Variants in DNMT1 observed in about 807,000 individuals in gnomAD.
DNMT1 encodes DNA methyltransferase 1, also known as DNA (cytosine-5)-methyltransferase 1.
In DNMT1, 24 loss-of-function variants were observed where a neutral mutation model predicts 205.3. The ratio of observed to expected loss-of-function variants is 0.12; its 90% CI spans 0.08 to 0.16. The LOEUF is 0.16. Among genes scored for constraint, DNMT1 ranks in the 10% least tolerant of loss-of-function variants. The pLI is 1.00. For missense variants in DNMT1, 1,293 were observed against 2,177.7 expected, an observed-to-expected ratio of 0.59 and a Z score of 8.09; for synonymous variants, 817 against 839.8, an observed-to-expected ratio of 0.97 and a Z score of 0.47.
chr19:10,190,547 G>C (rs961208678), intron 1 of DNMT1, among the ~76,000 whole-genome samples: 7 of 152,016 alleles, frequency 4.6e-5, no homozygotes, highest in African/African-American at 1.7e-4. Flanking sequence ...CGAATCACTT[G>C]AGTCCAGGAG....
rs1162498895 is a variant in DNMT1, at chr19:10,156,057, AGTC to A, written c.1400-115_1400-113del. 10 of 1,100,716 alleles carry A rather than the reference AGTC, an allele frequency of 9.1e-6. No individual in the cohort carries two copies. Among genetic ancestry groups the A allele is most frequent in the Non-Finnish European group, 1.2e-5 (9 of 746,754 alleles). 68.2% of individuals were successfully genotyped at this position (1,100,716 alleles called of 1,614,324 possible). ...CCATCAGCCAGGTCGGGTGCTCCTC[AGTC>A]ATCACAATGACTTGGCCTACAGCTG... On this transcript the variant is annotated intron_variant, in intron 18 of 40. Coordinates refer to ENST00000359526, the MANE Select transcript of DNMT1 (RefSeq NM_001130823.3). The surrounding 1 kb of genome is among the most constrained non-coding windows in gnomAD (Gnocchi z 4.2).
chr19:10,179,717 C>T (rs533934654), intron 5 of DNMT1, among the ~76,000 whole-genome samples: 7 of 152,066 alleles, frequency 4.6e-5, no homozygotes, highest in East Asian at 1.9e-4. Flanking sequence ...GGGCCGGGCA[C>T]GGTGGCTCAC....
chr19:10,150,524 G>A (rs1435663552), intron 24 of DNMT1, among the ~76,000 whole-genome samples: 3 of 152,238 alleles, frequency 2.0e-5, no homozygotes, highest in Non-Finnish European at 4.4e-5. Context: ...CTCATGCCAT[G>A]CAGCAGTACC....
chr19:10,163,702 C>G (rs1400635642), intron 11 of DNMT1, among the ~76,000 whole-genome samples: 1 of 152,156 alleles, frequency 6.6e-6, no homozygotes, highest in Non-Finnish European at 1.5e-5. Flanking sequence ...CACAAAAGCA[C>G]CCACAGGCAA....
At chr19:10,178,198 G>A (rs2038972178) in intron 5 of DNMT1, among the ~76,000 whole-genome samples, 1 of 151,466 alleles carries the variant, frequency 6.6e-6, no homozygotes, top group Non-Finnish European at 1.5e-5. Flanking sequence ...TGGAGGTTGT[G>A]GTGAGCCGAG....
At chr19:10,167,021 G>A (rs960402587) in intron 10 of DNMT1, among the ~76,000 whole-genome samples, 4 of 152,160 alleles carry the variant, frequency 2.6e-5, no homozygotes, top group African/African-American at 9.7e-5. Flanking sequence ...TGAGAGCTGG[G>A]CTGATGTGCG....
At position 10,151,675 on chromosome 19, in the gene DNMT1, A is replaced by G. The variant is rs2145299472; in HGVS notation, c.2117+75T>C. Reference sequence around the variant, plus strand: ...AATCCTGGTGCTGTCCCACACATGCAGGCCCTTCTCCACAGTGCATCTGCC... The same window carrying G: ...AATCCTGGTGCTGTCCCACACATGCGGGCCCTTCTCCACAGTGCATCTGCC... On this transcript the variant is annotated intron_variant, in intron 23 of 40. Coordinates refer to ENST00000359526, the MANE Select transcript of DNMT1 (RefSeq NM_001130823.3). This position sits in a 1 kb window ranked among gnomAD's most constrained non-coding sequence, Gnocchi z 5.0. 2.5e-6 allele frequency: 4 copies of G among 1,607,178 alleles called. No individual in the cohort carries two copies. The highest frequency in any genetic ancestry group is 3.4e-6 in the Non-Finnish European group (4 of 1,174,428).
At chr19:10,176,855 CAA>C (rs34288732) in intron 6 of DNMT1, among the ~76,000 whole-genome samples, 6 of 141,780 alleles carry the variant, frequency 4.2e-5, no homozygotes, top group Non-Finnish European at 7.7e-5. Flanking sequence ...GATGCTGTCT[CAA>C]AAAAAAAAGA....
At position 10,182,325 on chromosome 19, in the gene DNMT1, G is replaced by A. The variant is rs530063751; in HGVS notation, c.81-248C>T. Among the ~76,000 whole-genome samples, 343 of 151,580 alleles carry A rather than the reference G, an allele frequency of 2.3e-3. 3 individuals are homozygous for A. The highest frequency in any genetic ancestry group is 7.8e-3 in the African/African-American group (324 of 41,356). ...GGGGTCATTTTTCTGATGATTGTGA[G>A]ATTACATAGCAGCTCTGTAACACAA... On this transcript the variant is annotated intron_variant, in intron 1 of 40. Transcript: ENST00000359526.
chr19:10,140,735 G>C lies in DNMT1; in HGVS notation c.3523+46C>G. Reference sequence around the variant, plus strand: ...AGTCGTTTCAGGTAGCACCTGCCCGGTCTGGGCTCACCAGGTATTCAGAGA... The same window carrying C: ...AGTCGTTTCAGGTAGCACCTGCCCGCTCTGGGCTCACCAGGTATTCAGAGA... On this transcript the variant is annotated intron_variant, in intron 32 of 40. Coordinates refer to ENST00000359526, the MANE Select transcript of DNMT1 (RefSeq NM_001130823.3). The surrounding 1 kb of genome is among the most constrained non-coding windows in gnomAD (Gnocchi z 8.4). 1 of 1,613,796 alleles carries C rather than the reference G, an allele frequency of 6.2e-7. No homozygotes were observed. The highest frequency in any genetic ancestry group is 8.5e-7 in the Non-Finnish European group (1 of 1,179,866).
rs781314534 is a variant in DNMT1 at position 10,139,633 on chromosome 19, G to A, written c.3948+43C>T. The stretch of plus-strand genomic sequence containing the variant: ...GATGGCTGGCTGCTGGCCGGGTCAC[G>A]TGCTGGCCACATCTGTCTGCCCGCC... On this transcript the variant is annotated intron_variant, in intron 34 of 40. Transcript: ENST00000359526. 52 of 1,601,444 alleles carry A rather than the reference G, an allele frequency of 3.2e-5. 1 individual carries two copies. In the South Asian group the frequency reaches 3.5e-4, roughly 11 times the overall value.
At chr19:10,149,342 C>CAA (rs906604867) in intron 26 of DNMT1, 111 bp downstream of exon 26, 66 of 1,041,640 alleles carry the variant, frequency 6.3e-5, no homozygotes, top group African/African-American at 2.8e-4. Flanking sequence ...AAAAAAAAAA[C>CAA]AAAAAAAAAA....
At chr19:10,182,442 CATATATATGTGTATATAT>C in intron 1 of DNMT1, among the ~76,000 whole-genome samples, 1 of 120,614 alleles carries the variant, frequency 8.3e-6, no homozygotes, top group South Asian at 2.6e-4. Flanking sequence ...TATATATATA[CATATATATGTGTATATAT>C]ATGTGTGTAT....
In DNMT1 at chr19:10,154,895, G is replaced by A. The variant is rs770206392; in HGVS notation, c.1644+10C>T. On this transcript the variant is annotated intron_variant, in intron 20 of 40. Transcript: ENST00000359526. The surrounding 1 kb of genome is among the most constrained non-coding windows in gnomAD (Gnocchi z 6.3). ...GGAATCCCGGATGCTGAGGACCCTC[G>A]ATCTCTTACCTCGATCTTGTTGATC... The A allele has an allele frequency of 2.7e-5, 43 of 1,614,056 alleles. No individual in the cohort carries two copies. In the East Asian group the frequency reaches 6.5e-4, roughly 24 times the overall value.
rs763497211 is a variant in DNMT1 at position 10,149,582 on chromosome 19, T to C, written c.2457A>G (p.Thr819=). 2.5e-6 allele frequency: 4 copies of C among 1,613,386 alleles called. No homozygotes were observed. Among genetic ancestry groups the C allele is most frequent in the East Asian group, 4.5e-5 (2 of 44,856 alleles). The part of the protein sequence containing the change: ...HAHWFCAGTD[T]VLGATSDPLE... ...GAGGGTCCGACGTGGCCCCGAGGAC[T>C]GTGTCTGTCCCAGCGCAGAACCAGT... The change falls in exon 26 of 41, where the codon ACA becomes ACG. Residue 819 remains threonine, a synonymous_variant. Transcript: ENST00000359526.
chr19:10,137,679 G>T lies in DNMT1; in HGVS notation c.4293+153C>A. On this transcript the variant is annotated intron_variant, in intron 36 of 40. Coordinates refer to ENST00000359526, the MANE Select transcript of DNMT1 (RefSeq NM_001130823.3). This position sits in a 1 kb window ranked among gnomAD's most constrained non-coding sequence, Gnocchi z 6.4. ...TCTGACACTTCCCATGACCATGCAA[G>T]AGAGACCAGGGGTCACACAAAGGCT... The T allele has an allele frequency of 1.8e-6, 2 of 1,104,188 alleles. No homozygotes were observed. The highest frequency in any genetic ancestry group is 1.3e-6 in the Non-Finnish European group (1 of 755,936). 68.4% of individuals were successfully genotyped at this position (1,104,188 alleles called of 1,614,324 possible).
chr19:10,165,306 A>G (rs1388165809), intron 11 of DNMT1, among the ~76,000 whole-genome samples: 4 of 152,118 alleles, frequency 2.6e-5, no homozygotes, highest in Middle Eastern at 3.2e-3. Context: ...GAGCTTTGGG[A>G]GGCAGAGATG....
Position 10,134,287 on chromosome 19 carries a change from C to A in DNMT1, c.4794G>T (p.Pro1598=). The A allele has an allele frequency of 6.2e-7, 1 of 1,614,052 alleles. No homozygotes were observed. The highest frequency in any genetic ancestry group is 1.1e-5 in the South Asian group (1 of 91,078). Residue 1598 remains proline, a synonymous_variant, in exon 40 of 41, where the codon CCG becomes CCT. Transcript: ENST00000359526. ...KHRQVGNAVP[P]PLAKAIGLEI... is the part of the protein sequence containing the mutation. ...CCAAGCCAATGGCTTTGGCCAGGGG[C>A]GGTGGCACGGCATTGCCCACCTGCA...
rs138889399 is a variant in DNMT1 at position 10,144,535 on chromosome 19, C to T, written c.2895-548G>A. The T allele has an allele frequency of 2.1e-3, 363 of 172,850 alleles. 3 individuals carry two copies. The highest frequency in any genetic ancestry group is 8.0e-3 in the African/African-American group (334 of 41,922). 10.7% of individuals were successfully genotyped at this position (172,850 alleles called of 1,614,324 possible). On this transcript the variant is annotated intron_variant, in intron 28 of 40. Coordinates refer to ENST00000359526, the MANE Select transcript of DNMT1 (RefSeq NM_001130823.3). ...TCAAATACCCCAGGCTCCTGCCTCCCGACTACTTGGCATCTTGTGTTTCCT... is the reference window on the plus strand; with the variant it reads ...TCAAATACCCCAGGCTCCTGCCTCCTGACTACTTGGCATCTTGTGTTTCCT...
Sources: gnomAD v4.1 joint callset for allele counts (sites outside exome capture counted in the v4.1 genomes callset) on GRCh38, gnomAD v4.1.1 for gene constraint, Gnocchi (gnomAD v3.1) non-coding constraint, MANE v1.5 for transcripts, NCBI Gene and HGNC (gene_info 2026-07-23, HGNC 2026-07-21) for gene names.